MARCHF1: variants seen among roughly 807,000 people sequenced by gnomAD.
The protein encoded by MARCHF1 is membrane associated ring-CH-type finger 1, also known as E3 ubiquitin-protein ligase MARCHF1.
In MARCHF1, 40 loss-of-function variants were observed where a neutral mutation model predicts 54.2. The observed-to-expected ratio is 0.74, with a 90% CI of 0.57 to 0.96. MARCHF1 has a LOEUF of 0.96. MARCHF1 is among the 40% of genes least tolerant of loss of function. The pLI is 0.00. For missense variants in MARCHF1, 586 were observed against 656.5 expected (o/e 0.89, Z 1.17); for synonymous variants, 236 against 236.3 (o/e 1.00, Z 0.01).
intron 2 of MARCHF1, among the ~76,000 whole-genome samples, chr4:163,989,594 GAAGTA>G (rs1752936305): frequency 6.6e-6 from 1 of 152,148 alleles, no homozygotes; most frequent in South Asian, 2.1e-4. Context: ...CAATTTGGAA[GAAGTA>G]AATGGTTAAT....
At chr4:163,787,213 A>C (rs990191536) in intron 4 of MARCHF1, among the ~76,000 whole-genome samples, 9 of 152,016 alleles carry the variant, frequency 5.9e-5, no homozygotes, top group African/African-American at 2.2e-4. Flanking sequence ...CAACAAAAGA[A>C]AAAAATGGAC....
At chr4:164,249,023 C>A (rs1325649043) in intron 1 of MARCHF1, among the ~76,000 whole-genome samples, 1 of 152,002 alleles carries the variant, frequency 6.6e-6, no homozygotes, top group Non-Finnish European at 1.5e-5. Context: ...TTTCTGTTTA[C>A]CAAAACTTTT....
At chr4:163,827,251 T>C (rs1748879112) in intron 4 of MARCHF1, among the ~76,000 whole-genome samples, 1 of 152,068 alleles carries the variant, frequency 6.6e-6, no homozygotes, top group Non-Finnish European at 1.5e-5. Flanking sequence ...TGCCTTTCAA[T>C]CATCAGATAT....
intron 3 of MARCHF1, among the ~76,000 whole-genome samples, chr4:163,857,658 T>A (rs1749805249): frequency 6.6e-6 from 1 of 152,324 alleles, no homozygotes; most frequent in Admixed American, 6.5e-5. Flanking sequence ...ATTTAGTAAA[T>A]AGCAGCATAG....
intron 2 of MARCHF1, among the ~76,000 whole-genome samples, chr4:164,052,621 T>C (rs533350283): frequency 6.6e-6 from 1 of 152,176 alleles, no homozygotes; most frequent in Non-Finnish European, 1.5e-5. Flanking sequence ...TCAAGGCTAC[T>C]TACTTGGCTC....
intron 4 of MARCHF1, among the ~76,000 whole-genome samples, chr4:163,730,991 AT>A (rs1745812094): frequency 6.6e-6 from 1 of 152,120 alleles, no homozygotes; most frequent in Non-Finnish European, 1.5e-5. Flanking sequence ...TAGCTCTTAG[AT>A]TTCTCCTCTT....
chr4:163,832,329 T>A (rs1372365078), intron 4 of MARCHF1, among the ~76,000 whole-genome samples: 1 of 152,136 alleles, frequency 6.6e-6, no homozygotes. Context: ...CTCCGTGAGT[T>A]TTGCAACCCT....
chr4:164,008,692 T>G (rs759671284), intron 2 of MARCHF1, among the ~76,000 whole-genome samples: 10 of 151,956 alleles, frequency 6.6e-5, no homozygotes, highest in Non-Finnish European at 1.3e-4. Context: ...ACTCAGGCAA[T>G]AGACAAACAC....
intron 3 of MARCHF1, among the ~76,000 whole-genome samples, chr4:163,953,934 A>T (rs1752183313): frequency 6.6e-6 from 1 of 152,152 alleles, no homozygotes; most frequent in Admixed American, 6.5e-5. Context: ...CCTTTTACAG[A>T]AAAAGTCCAC....
At chr4:164,376,435 G>A (rs898837932) in intron 1 of MARCHF1, among the ~76,000 whole-genome samples, 1 of 152,008 alleles carries the variant, frequency 6.6e-6, no homozygotes, top group African/African-American at 2.4e-5. Flanking sequence ...CTTAGGCCAG[G>A]CTCTCTTCAA....
In MARCHF1 at chr4:163,734,934, G is replaced by A. The variant is rs1745988718; in HGVS notation, c.112-34071C>T. The stretch of plus-strand genomic sequence containing the variant: ...CATTTGTTTTAGAAGAACATTTAAT[G>A]TTCCTACTATGAGTTCAAAGGTTCT... On this transcript the variant is annotated intron_variant, in intron 4 of 9. Transcript: ENST00000514618. Among the ~76,000 whole-genome samples the A allele has an allele frequency of 2.0e-5, 3 of 152,074 alleles. No homozygotes were observed. In the South Asian group the frequency reaches 6.2e-4, roughly 32 times the overall value.
At chr4:163,835,307 A>G (rs376620569) in intron 4 of MARCHF1, among the ~76,000 whole-genome samples, 3 of 152,328 alleles carry the variant, frequency 2.0e-5, no homozygotes, top group South Asian at 4.1e-4. Context: ...GTGGTTCTTA[A>G]AATCCCAGTC....
At chr4:163,949,212 G>A (rs113517108) in intron 3 of MARCHF1, among the ~76,000 whole-genome samples, 46 of 152,324 alleles carry the variant, frequency 3.0e-4, no homozygotes, top group Non-Finnish European at 5.0e-4. Flanking sequence ...CAAGCATGCC[G>A]GCTGCGGTGG....
intron 4 of MARCHF1, among the ~76,000 whole-genome samples, chr4:163,793,848 C>G (rs867818135): frequency 6.6e-6 from 1 of 152,114 alleles, no homozygotes; most frequent in Non-Finnish European, 1.5e-5. Flanking sequence ...ATGCAGACCC[C>G]CTTAGAGCTG....
At chr4:163,737,471 G>GT (rs1422106561) in intron 4 of MARCHF1, among the ~76,000 whole-genome samples, 1 of 78,276 alleles carries the variant, frequency 1.3e-5, no homozygotes, top group African/African-American at 3.9e-5. Context: ...GCGGTGTTTG[G>GT]TTTTTTGTTC....
chr4:164,377,411 C>T (rs1731224019), intron 1 of MARCHF1, among the ~76,000 whole-genome samples: 1 of 152,148 alleles, frequency 6.6e-6, no homozygotes, highest in Non-Finnish European at 1.5e-5. Context: ...CACAAGAAAT[C>T]AGTCTGTATC....
At chr4:164,067,734 C>G (rs1265634728) in intron 2 of MARCHF1, among the ~76,000 whole-genome samples, 1 of 151,996 alleles carries the variant, frequency 6.6e-6, no homozygotes, top group Admixed American at 6.6e-5. Context: ...GATAAATGGT[C>G]CTAATTAAAC....
intron 3 of MARCHF1, among the ~76,000 whole-genome samples, chr4:163,886,822 G>A (rs1301038690): frequency 6.6e-6 from 1 of 152,080 alleles, no homozygotes; most frequent in Non-Finnish European, 1.5e-5. Context: ...CATGCATGAG[G>A]AACACATTTT....
intron 3 of MARCHF1, among the ~76,000 whole-genome samples, chr4:163,937,704 GC>G (rs907229520): frequency 6.6e-6 from 1 of 152,024 alleles, no homozygotes. Flanking sequence ...GCAATAACTT[GC>G]CCGTTGGTTC....
Sources: allele counts gnomAD v4.1 joint callset (sites outside exome capture counted in the v4.1 genomes callset), GRCh38; gene constraint gnomAD v4.1.1; transcripts MANE v1.5; gene names NCBI Gene and HGNC (gene_info 2026-07-23, HGNC 2026-07-21).